The following LMBR1 variants were observed in gnomAD, a reference collection of about 807,000 sequenced individuals.
The protein encoded by LMBR1 is limb region 1 protein homolog.
In LMBR1, 52 loss-of-function variants were observed where a neutral mutation model predicts 73.9. That is an observed-to-expected ratio of 0.70 (90% CI 0.56 to 0.89). The LOEUF (loss-of-function observed/expected upper bound fraction) is 0.89. LMBR1 is among the 40% of genes least tolerant of loss of function. The pLI is 0.00. For missense variants in LMBR1, 539 were observed against 579.8 expected (o/e 0.93, Z 0.72); for synonymous variants, 215 against 209.4 (o/e 1.03, Z -0.23).
At chr7:156,717,589 A>G (rs1813498820) in intron 15 of LMBR1, among the ~76,000 whole-genome samples, 1 of 152,206 alleles carries the variant, frequency 6.6e-6, no homozygotes, top group Non-Finnish European at 1.5e-5. Context: ...AGAAATTAAA[A>G]ACAGAATCCA....
At chr7:156,694,834 A>C (rs1807951656) in intron 15 of LMBR1, among the ~76,000 whole-genome samples, 1 of 152,256 alleles carries the variant, frequency 6.6e-6, no homozygotes, top group African/African-American at 2.4e-5. Context: ...CATCAAAAAG[A>C]ATGTCATAAT....
Position 156,677,816 on chromosome 7 carries a change from A to G in LMBR1, c.*6262T>C, listed in dbSNP as rs10228019. 0.4 allele frequency: 60,348 copies of G among 152,140 alleles called. 12,423 individuals are homozygous for G. The highest frequency in any genetic ancestry group is 0.5 in the African/African-American group (20,689 of 41,482). 9.4% of individuals were successfully genotyped at this position (152,140 alleles called of 1,614,324 possible). On this transcript the variant is annotated 3_prime_UTR_variant, in exon 17 of 17. Transcript: ENST00000353442. The stretch of plus-strand genomic sequence containing the variant: ...TTTTTTAAGGATGTATACTATCAAA[A>G]AATTTGCAGACTAATTTGGAGAATG...
chr7:156,709,034 C>T (rs1811554272), intron 15 of LMBR1, among the ~76,000 whole-genome samples: 1 of 152,162 alleles, frequency 6.6e-6, no homozygotes, highest in South Asian at 2.1e-4. Context: ...AGAATCAGAA[C>T]CCAGACCCAC....
chr7:156,677,988 T>C lies in LMBR1; in HGVS notation c.*6090A>G, dbSNP rs1804371119. On this transcript the variant is annotated 3_prime_UTR_variant, in exon 17 of 17. Transcript: ENST00000353442. ...CGTGTCAAAGGCCAGAGCAGTCCGA[T>C]TCCGCCGCCCTAAACTTTGGATCTA... 6.6e-6 allele frequency: 1 copy of C among 152,300 alleles called. No individual in the cohort carries two copies. The highest frequency in any genetic ancestry group is 1.5e-5 in the Non-Finnish European group (1 of 68,090). 9.4% of individuals were successfully genotyped at this position (152,300 alleles called of 1,614,324 possible).
chr7:156,835,008 C>T (rs942684835), intron 2 of LMBR1, among the ~76,000 whole-genome samples: 7 of 151,722 alleles, frequency 4.6e-5, no homozygotes, highest in East Asian at 1.9e-4. Context: ...GGTGCGGTGG[C>T]GGGCGTCTGT....
chr7:156,813,910 T>C (rs1198841594), intron 4 of LMBR1, among the ~76,000 whole-genome samples: 1 of 152,332 alleles, frequency 6.6e-6, no homozygotes, highest in East Asian at 1.9e-4. Flanking sequence ...AGAATTGTTT[T>C]AGACTGAAAT....
intron 10 of LMBR1, among the ~76,000 whole-genome samples, chr7:156,732,051 G>A (rs569038597): frequency 2.0e-5 from 3 of 151,862 alleles, no homozygotes; most frequent in Admixed American, 1.3e-4. Context: ...GTAACTTCAG[G>A]AAATATTATT....
At chr7:156,676,786 T>C, downstream of LMBR1, 2 of 659,288 alleles carry the variant, frequency 3.0e-6, no homozygotes, top group South Asian at 1.9e-5. Context: ...TTGGTAGTTG[T>C]AGGAAATCTT....
At chr7:156,833,715 G>A in intron 3 of LMBR1, 38 bp downstream of exon 3, 1 of 1,511,270 alleles carries the variant, frequency 6.6e-7, no homozygotes, top group Non-Finnish European at 9.1e-7. Flanking sequence ...GATGACTTCA[G>A]AATCAGAAAC....
At chr7:156,840,158 G>A (rs1327674490) in intron 1 of LMBR1, among the ~76,000 whole-genome samples, 1 of 152,156 alleles carries the variant, frequency 6.6e-6, no homozygotes, top group Non-Finnish European at 1.5e-5. Context: ...CTGTGGGCTT[G>A]CTATATACCA....
intron 5 of LMBR1, among the ~76,000 whole-genome samples, chr7:156,778,735 C>G (rs1283011013): frequency 2.6e-5 from 4 of 152,216 alleles, no homozygotes; most frequent in Admixed American, 2.0e-4. Flanking sequence ...TTCAAGAACA[C>G]AGCCTTTATG....
chr7:156,819,508 A>ACAT (rs1834426376), intron 4 of LMBR1, among the ~76,000 whole-genome samples: 1 of 152,212 alleles, frequency 6.6e-6, no homozygotes, highest in South Asian at 2.1e-4. Flanking sequence ...AACACTTTCA[A>ACAT]CATGAAAGTA....
At chr7:156,807,754 G>C (rs186864265) in intron 4 of LMBR1, among the ~76,000 whole-genome samples, 2 of 152,060 alleles carry the variant, frequency 1.3e-5, no homozygotes, top group Non-Finnish European at 2.9e-5. Flanking sequence ...GGTATTTCGT[G>C]CTATACATTG....
chr7:156,729,246 T>C (rs1816374158), intron 10 of LMBR1, among the ~76,000 whole-genome samples: 1 of 152,084 alleles, frequency 6.6e-6, no homozygotes, highest in Non-Finnish European at 1.5e-5. Flanking sequence ...AGGAAATATA[T>C]TGTTGATATA....
At chr7:156,726,377 T>C (rs1401629707) in intron 12 of LMBR1, among the ~76,000 whole-genome samples, 1 of 152,144 alleles carries the variant, frequency 6.6e-6, no homozygotes, top group East Asian at 1.9e-4. Flanking sequence ...ATGTAACTGT[T>C]AACATAGATT....
At chr7:156,802,493 G>A (rs139445780) in intron 4 of LMBR1, among the ~76,000 whole-genome samples, 64 of 152,112 alleles carry the variant, frequency 4.2e-4, no homozygotes, top group African/African-American at 1.5e-3. Context: ...GACTCTCTCA[G>A]GAAAAAGGTC....
At chr7:156,888,048 G>A (rs553238546) in intron 1 of LMBR1, among the ~76,000 whole-genome samples, 4 of 152,314 alleles carry the variant, frequency 2.6e-5, no homozygotes, top group Non-Finnish European at 5.9e-5. Flanking sequence ...AGAAACTCTG[G>A]CTCCTTGCTA....
intron 1 of LMBR1, 41 bp downstream of exon 1, chr7:156,892,887 G>C: frequency 7.2e-7 from 1 of 1,393,052 alleles, no homozygotes. Context: ...GGGCCCGGGC[G>C]GGCACGCGGG....
chr7:156,860,014 A>G (rs1797508979), intron 1 of LMBR1, among the ~76,000 whole-genome samples: 1 of 152,240 alleles, frequency 6.6e-6, no homozygotes, highest in African/African-American at 2.4e-5. Flanking sequence ...TCTTTGTCAA[A>G]GAAGCAATGA....
Sources: gnomAD v4.1 joint callset for allele counts (sites outside exome capture counted in the v4.1 genomes callset) on GRCh38, gnomAD v4.1.1 for gene constraint, MANE v1.5 for transcripts, NCBI Gene and HGNC (gene_info 2026-07-23, HGNC 2026-07-21) for gene names.